Variants in SOX5 observed in about 807,000 individuals in gnomAD.
The protein encoded by SOX5 is transcription factor SOX-5.
Under a neutral mutation model 92.0 loss-of-function variants are expected in SOX5, and 9 were observed. That is an observed-to-expected ratio of 0.10 (90% CI 0.06 to 0.17). The LOEUF is 0.17. SOX5 is among the 10% of genes least tolerant of loss of function. SOX5 has a pLI of 1.00. For synonymous variants in SOX5, 344 were observed against 336.3 expected (o/e 1.02, Z -0.25); for missense variants, 642 against 944.5 (o/e 0.68, Z 4.20).
At chr12:24,145,789 A>G (rs537109036) in intron 4 of SOX5, among the ~76,000 whole-genome samples, 1 of 152,192 alleles carries the variant, frequency 6.6e-6, no homozygotes. Flanking sequence ...TACAGGTGCA[A>G]GCCACCACAT....
intron 1 of SOX5, among the ~76,000 whole-genome samples, chr12:24,385,113 T>A (rs1264943569): frequency 6.6e-6 from 1 of 152,216 alleles, no homozygotes; most frequent in Non-Finnish European, 1.5e-5. Flanking sequence ...CTGCTGTTAA[T>A]CTCTTATTGT....
chr12:23,842,424 A>T (rs2096529777), intron 3 of SOX5, among the ~76,000 whole-genome samples: 2 of 152,154 alleles, frequency 1.3e-5, no homozygotes, highest in Non-Finnish European at 2.9e-5. Flanking sequence ...TTATAGATAT[A>T]TACATATATA....
chr12:24,244,689 A>ATT (rs1938261211), intron 3 of SOX5, among the ~76,000 whole-genome samples: 1 of 152,186 alleles, frequency 6.6e-6, no homozygotes, highest in South Asian at 2.1e-4. Flanking sequence ...ATCGATAAAT[A>ATT]TTAGCTATTA....
intron 2 of SOX5, among the ~76,000 whole-genome samples, chr12:24,340,725 C>T (rs1039026806): frequency 6.6e-6 from 1 of 152,234 alleles, no homozygotes; most frequent in Non-Finnish European, 1.5e-5. Context: ...AAAGGTCTCA[C>T]TGAAAAGCAG....
Position 23,529,813 on chromosome 12 carries a change from T to C in SOX5, c.*4406A>G, listed in dbSNP as rs767744983. The C allele has an allele frequency of 2.0e-5, 3 of 152,238 alleles. No individual in the cohort carries two copies. Among genetic ancestry groups the C allele is most frequent in the Admixed American group, 6.5e-5 (1 of 15,286 alleles). 9.4% of individuals were successfully genotyped at this position (152,238 alleles called of 1,614,324 possible). ...TTATTTTATTAAATTTCAAGTGAGA[T>C]GGTAGGTTGCACATACTTTGTTTTA... On this transcript the variant is annotated 3_prime_UTR_variant, in exon 15 of 15. Transcript: ENST00000451604.
chr12:24,268,691 A>G (rs964582478), intron 3 of SOX5, among the ~76,000 whole-genome samples: 8 of 152,216 alleles, frequency 5.3e-5, no homozygotes, highest in African/African-American at 1.9e-4. Flanking sequence ...ACAGGTATGT[A>G]GCATCAGGAG....
At chr12:24,414,512 T>A (rs1193764214) in intron 1 of SOX5, among the ~76,000 whole-genome samples, 1 of 152,166 alleles carries the variant, frequency 6.6e-6, no homozygotes, top group Non-Finnish European at 1.5e-5. Flanking sequence ...AAAGTGCAAG[T>A]TCAAATGCCC....
At chr12:24,362,462 G>A (rs946357725) in intron 2 of SOX5, among the ~76,000 whole-genome samples, 3 of 152,152 alleles carry the variant, frequency 2.0e-5, no homozygotes, top group African/African-American at 7.2e-5. Flanking sequence ...GACTTCACGG[G>A]TAACCAGATC....
chr12:24,117,506 T>C (rs1948145150), intron 4 of SOX5, among the ~76,000 whole-genome samples: 1 of 152,210 alleles, frequency 6.6e-6, no homozygotes, highest in African/African-American at 2.4e-5. Flanking sequence ...GTCAAAGGAA[T>C]GTCTGCCCTC....
chr12:24,502,664 CA>C (rs1315162941), intron 1 of SOX5, among the ~76,000 whole-genome samples: 1 of 152,046 alleles, frequency 6.6e-6, no homozygotes, highest in Admixed American at 6.5e-5. Context: ...CGAGAAGAAG[CA>C]AATATTTGCA....
chr12:24,250,858 G>A (rs970009311), intron 3 of SOX5, among the ~76,000 whole-genome samples: 3 of 152,070 alleles, frequency 2.0e-5, no homozygotes, highest in African/African-American at 7.2e-5. Flanking sequence ...TAATTGAAAG[G>A]CACTTAACAG....
At chr12:24,117,025 G>A (rs941306937) in intron 4 of SOX5, among the ~76,000 whole-genome samples, 2 of 147,118 alleles carry the variant, frequency 1.4e-5, no homozygotes, top group African/African-American at 5.0e-5. Flanking sequence ...TGGAGAGACC[G>A]CCCACGAGTT....
At chr12:23,646,235 C>T (rs757509472) in intron 7 of SOX5, among the ~76,000 whole-genome samples, 1 of 151,992 alleles carries the variant, frequency 6.6e-6, no homozygotes, top group African/African-American at 2.4e-5. Flanking sequence ...AGTGCAGTGG[C>T]GCAAACATTA....
At chr12:23,666,113 TC>T (rs1467130480) in intron 6 of SOX5, among the ~76,000 whole-genome samples, 2 of 150,356 alleles carry the variant, frequency 1.3e-5, no homozygotes, top group Non-Finnish European at 3.0e-5. Flanking sequence ...AAAACTTTAC[TC>T]TTTTTTTTTT....
chr12:24,359,421 A>G (rs1955255330), intron 2 of SOX5, among the ~76,000 whole-genome samples: 1 of 152,204 alleles, frequency 6.6e-6, no homozygotes, highest in African/African-American at 2.4e-5. Flanking sequence ...ATCTACAGGC[A>G]TCTTGCTCTT....
At chr12:23,967,468 C>A (rs910414898) in intron 4 of SOX5, among the ~76,000 whole-genome samples, 1 of 107,386 alleles carries the variant, frequency 9.3e-6, no homozygotes, top group Non-Finnish European at 2.0e-5. Context: ...ATTATACAGA[C>A]AATAATGCAA....
intron 1 of SOX5, among the ~76,000 whole-genome samples, chr12:23,908,649 T>C (rs913794749): frequency 1.3e-5 from 2 of 151,532 alleles, no homozygotes; most frequent in Admixed American, 1.3e-4. Flanking sequence ...AGAGATAAAT[T>C]TTCCGAACTT....
At chr12:24,533,572 A>G (rs1337622202) in intron 1 of SOX5, among the ~76,000 whole-genome samples, 1 of 152,230 alleles carries the variant, frequency 6.6e-6, no homozygotes, top group Non-Finnish European at 1.5e-5. Flanking sequence ...TCCAACAGGC[A>G]TAAAACAGCA....
intron 2 of SOX5, among the ~76,000 whole-genome samples, chr12:24,324,304 T>C (rs1950477134): frequency 6.6e-6 from 1 of 152,152 alleles, no homozygotes; most frequent in Non-Finnish European, 1.5e-5. Context: ...GATTTCTGTA[T>C]TTCCATAAAT....
Sources: allele counts gnomAD v4.1 joint callset (sites outside exome capture counted in the v4.1 genomes callset), GRCh38; gene constraint gnomAD v4.1.1; transcripts MANE v1.5; gene names NCBI Gene and HGNC (gene_info 2026-07-23, HGNC 2026-07-21).